LRRC53: variants seen among roughly 807,000 people sequenced by gnomAD.
LRRC53 encodes leucine-rich repeat-containing protein 53.
A neutral mutation model predicts 13.6 loss-of-function variants in LRRC53; 25 were observed. That is an observed-to-expected ratio of 1.83 (90% confidence interval 1.34 to 2.56). The LOEUF is 2.56. Among genes scored for constraint, LRRC53 ranks in the 30% most tolerant of loss-of-function variants. The pLI, the probability that LRRC53 is intolerant of heterozygous loss-of-function variation, is 0.00. For missense variants in LRRC53, 527 were observed against 275.8 expected, an observed-to-expected ratio of 1.91 and a Z score of -6.45; for synonymous variants, 204 against 109.8, an observed-to-expected ratio of 1.86 and a Z score of -5.37.
intron 1 of LRRC53, among the ~76,000 whole-genome samples, chr1:74,489,692 C>G (rs1380633387): frequency 1.3e-5 from 2 of 152,102 alleles, no homozygotes; most frequent in Non-Finnish European, 2.9e-5. Flanking sequence ...TTTCACACCA[C>G]ATATATGTTG....
chr1:74,530,239 G>T, the LRRC53 span, among the ~76,000 whole-genome samples: 5 of 152,130 alleles, frequency 3.3e-5, no homozygotes, highest in African/African-American at 1.2e-4. Flanking sequence ...TTGATAAAAA[G>T]CCATGGAAAA....
At chr1:74,498,463 A>G (rs1557608316) in intron 1 of LRRC53, among the ~76,000 whole-genome samples, 1 of 152,180 alleles carries the variant, frequency 6.6e-6, no homozygotes, top group African/African-American at 2.4e-5. Flanking sequence ...AAAAACAGAA[A>G]TTCTCTTCTT....
intron 1 of LRRC53, among the ~76,000 whole-genome samples, chr1:74,490,696 T>C (rs1669025466): frequency 6.6e-6 from 1 of 152,174 alleles, no homozygotes; most frequent in African/African-American, 2.4e-5. Flanking sequence ...ATTCTTCAAC[T>C]TTTCAGTCAA....
chr1:74,520,461 C>T, the LRRC53 span, among the ~76,000 whole-genome samples: 1 of 151,954 alleles, frequency 6.6e-6, no homozygotes, highest in Non-Finnish European at 1.5e-5. Flanking sequence ...AATCGACCTT[C>T]TCATTTCTGA....
At chr1:74,520,378 C>T in the LRRC53 span, among the ~76,000 whole-genome samples, 1 of 152,064 alleles carries the variant, frequency 6.6e-6, no homozygotes, top group African/African-American at 2.4e-5. Context: ...GTGAGTTCCA[C>T]CACCTTTCTT....
rs1328874695 is a variant in LRRC53 at position 74,472,029 on chromosome 1, C to T, written c.1593G>A (p.Lys531=). ...CATAGTGTTCCTCAGGCTCACAAGG[C>T]TTGGATGATGAGCTTGTAATAAAAT... ...QRHFITSSSS[K]PCEPEEHYVQ... is the part of the protein sequence containing the mutation. Residue 531 remains lysine (K), a synonymous_variant, in exon 5 of 5, where the codon AAG becomes AAA. Transcript: ENST00000294635. 4.3e-6 allele frequency: 3 copies of T among 704,684 alleles called. No homozygotes were observed. The highest frequency in any genetic ancestry group is 7.9e-6 in the Non-Finnish European group (3 of 379,822). The allele number at this position is 704,684 out of a possible 1,614,324, so 43.7% of individuals were successfully genotyped here.
chr1:74,535,790 A>T, the LRRC53 span, among the ~76,000 whole-genome samples: 63,959 of 152,052 alleles, frequency 0.42, 15,393 homozygotes, highest in Non-Finnish European at 0.56. Context: ...AGACTGTGTC[A>T]GTTGTCGATA....
chr1:74,521,037 C>A, the LRRC53 span, among the ~76,000 whole-genome samples: 1 of 152,140 alleles, frequency 6.6e-6, no homozygotes, highest in Non-Finnish European at 1.5e-5. Flanking sequence ...TCTGGTTGCC[C>A]TGACTGGACA....
intron 1 of LRRC53, among the ~76,000 whole-genome samples, chr1:74,486,907 A>G (rs1248528004): frequency 6.6e-6 from 1 of 152,196 alleles, no homozygotes; most frequent in African/African-American, 2.4e-5. Flanking sequence ...AAGTGAAATG[A>G]CCACTGAGAT....
chr1:74,534,252 C>A, the LRRC53 span, among the ~76,000 whole-genome samples: 1 of 152,000 alleles, frequency 6.6e-6, no homozygotes, highest in Non-Finnish European at 1.5e-5. Flanking sequence ...AAATAGTATA[C>A]GTCTGTTATA....
At chr1:74,473,494 C>CA (rs1557589571) in intron 4 of LRRC53, among the ~76,000 whole-genome samples, 1 of 150,730 alleles carries the variant, frequency 6.6e-6, no homozygotes, top group Non-Finnish European at 1.5e-5. Context: ...ATCTTAACCG[C>CA]AAAAAATCCT....
chr1:74,481,024 G>T (rs1668474880), intron 2 of LRRC53, 56 bp from the exon 3 acceptor site: 4 of 649,788 alleles, frequency 6.2e-6, no homozygotes, highest in Admixed American at 2.3e-5. Context: ...GGAGGGAGGG[G>T]GTATGGTGGA....
chr1:74,530,033 C>G, the LRRC53 span, among the ~76,000 whole-genome samples: 1 of 152,172 alleles, frequency 6.6e-6, no homozygotes, highest in Non-Finnish European at 1.5e-5. Context: ...GGTAGGATCA[C>G]AGCTCACTGC....
chr1:74,535,185 T>G, the LRRC53 span, among the ~76,000 whole-genome samples: 1 of 152,100 alleles, frequency 6.6e-6, no homozygotes, highest in Non-Finnish European at 1.5e-5. Flanking sequence ...ATGAATGCCT[T>G]ATAAAGAATC....
chr1:74,495,341 A>T (rs1412284105), intron 1 of LRRC53, among the ~76,000 whole-genome samples: 1 of 152,242 alleles, frequency 6.6e-6, no homozygotes, highest in Non-Finnish European at 1.5e-5. Flanking sequence ...ATGTGTCAAA[A>T]TAGAAATTAT....
intron 1 of LRRC53, among the ~76,000 whole-genome samples, chr1:74,500,210 A>G (rs1669538911): frequency 6.6e-6 from 1 of 152,126 alleles, no homozygotes; most frequent in South Asian, 2.1e-4. Flanking sequence ...TATAAATTCC[A>G]TAATGATTTC....
At chr1:74,478,197 C>A (rs9727476) in intron 3 of LRRC53, among the ~76,000 whole-genome samples, 11,200 of 152,042 alleles carry the variant, frequency 0.074, 964 homozygotes, top group African/African-American at 0.21. Flanking sequence ...AAATTAACAT[C>A]AAAAATCAGA....
chr1:74,529,305 C>T, the LRRC53 span, among the ~76,000 whole-genome samples: 1 of 151,998 alleles, frequency 6.6e-6, no homozygotes, highest in African/African-American at 2.4e-5. Flanking sequence ...AAACAACATC[C>T]CTTCTGTGAT....
intron 4 of LRRC53, among the ~76,000 whole-genome samples, chr1:74,474,251 G>A (rs1668073764): frequency 6.6e-6 from 1 of 152,150 alleles, no homozygotes; most frequent in Admixed American, 6.6e-5. Context: ...CTAATGAAAG[G>A]GTAAGTGCTT....
Sources: allele counts gnomAD v4.1 joint callset (sites outside exome capture counted in the v4.1 genomes callset), GRCh38; gene constraint gnomAD v4.1.1; transcripts MANE v1.5; gene names NCBI Gene and HGNC (gene_info 2026-07-23, HGNC 2026-07-21).